OLA1: variants seen among roughly 807,000 people sequenced by gnomAD.
OLA1 encodes the protein obg-like ATPase 1.
Under a neutral mutation model 48.4 loss-of-function variants are expected in OLA1, and 14 were observed. The observed-to-expected ratio is 0.29, with a 90% confidence interval of 0.19 to 0.45. The LOEUF is 0.45. OLA1 is among the 20% of genes least tolerant of loss of function. OLA1 has a pLI of 1.00. For synonymous variants in OLA1, 127 were observed against 150.4 expected (o/e 0.84, Z 1.14); for missense variants, 325 against 467.1 (o/e 0.70, Z 2.80).
Position 174,075,626 on chromosome 2 carries a change from G to T in OLA1, c.1090-99C>A, listed in dbSNP as rs954394032. 1.3e-4 allele frequency: 88 copies of T among 701,994 alleles called. 4 individuals are homozygous for T. The highest frequency in any genetic ancestry group is 2.9e-5 in the Non-Finnish European group (12 of 414,074). The allele number at this position is 701,994 out of a possible 1,614,324, so 43.5% of individuals were successfully genotyped here. A position where few individuals can be genotyped will look rare whatever the true frequency, so the allele number is the denominator to read the frequency against. ...ATATAAAAAGTATTATACTACTTGG[G>T]TGATATAAAAAAAGAAAAAATGAAA... On this transcript the variant is annotated intron_variant, in intron 10 of 10. Transcript: ENST00000284719.
At chr2:174,140,809 T>A (rs1454227082) in intron 5 of OLA1, among the ~76,000 whole-genome samples, 1 of 152,230 alleles carries the variant, frequency 6.6e-6, no homozygotes, top group African/African-American at 2.4e-5. Flanking sequence ...GTAACTGATA[T>A]AAATTGGTTG....
At chr2:174,094,453 G>A (rs1305421968) in intron 7 of OLA1, among the ~76,000 whole-genome samples, 1 of 152,064 alleles carries the variant, frequency 6.6e-6, no homozygotes, top group African/African-American at 2.4e-5. Flanking sequence ...ATATGAAAAT[G>A]CAAGGGCCAA....
At chr2:174,187,670 C>T (rs1049319580) in intron 4 of OLA1, among the ~76,000 whole-genome samples, 16 of 152,200 alleles carry the variant, frequency 1.1e-4, no homozygotes, top group Admixed American at 2.0e-4. Flanking sequence ...TACTTTCCTC[C>T]GATGTGACTT....
chr2:174,130,418 G>A (rs546585714), intron 5 of OLA1, among the ~76,000 whole-genome samples: 1 of 152,320 alleles, frequency 6.6e-6, no homozygotes, highest in East Asian at 1.9e-4. Flanking sequence ...AACCTTGGTA[G>A]AATACATGCT....
At chr2:174,149,372 T>C (rs1425426059) in intron 4 of OLA1, among the ~76,000 whole-genome samples, 1 of 152,200 alleles carries the variant, frequency 6.6e-6, no homozygotes, top group Admixed American at 6.5e-5. Context: ...TATATGTTGA[T>C]GTCTTTCTTA....
chr2:174,198,136 T>C (rs1687919172), intron 4 of OLA1, among the ~76,000 whole-genome samples: 3 of 152,088 alleles, frequency 2.0e-5, no homozygotes. Flanking sequence ...CTAATTTTTA[T>C]ATTTTTAGTA....
chr2:174,234,634 C>T (rs1688805575), intron 2 of OLA1, among the ~76,000 whole-genome samples: 1 of 151,944 alleles, frequency 6.6e-6, no homozygotes. Context: ...TGGCTAATAT[C>T]TGTATTTTTT....
intron 4 of OLA1, among the ~76,000 whole-genome samples, chr2:174,218,444 A>C (rs1688415069): frequency 6.6e-6 from 1 of 152,188 alleles, no homozygotes; most frequent in Non-Finnish European, 1.5e-5. Context: ...TGTTATGTTT[A>C]TTAAGTGTCA....
chr2:174,193,036 T>A (rs887474839), intron 4 of OLA1, among the ~76,000 whole-genome samples: 1 of 152,074 alleles, frequency 6.6e-6, no homozygotes, highest in African/African-American at 2.4e-5. Flanking sequence ...TGGTTTTGTG[T>A]CTCATTAATT....
At chr2:174,214,816 G>A (rs535743693) in intron 4 of OLA1, among the ~76,000 whole-genome samples, 8 of 152,158 alleles carry the variant, frequency 5.3e-5, no homozygotes, top group East Asian at 3.9e-4. Flanking sequence ...TTGGGAGGCC[G>A]AGGTGGGTGG....
chr2:174,170,123 C>T (rs528190944), intron 4 of OLA1, among the ~76,000 whole-genome samples: 2 of 152,208 alleles, frequency 1.3e-5, no homozygotes, highest in East Asian at 3.8e-4. Context: ...GTCCCAGCTA[C>T]TCCAGAGGCT....
chr2:174,231,813 G>T (rs1280058903), intron 2 of OLA1, among the ~76,000 whole-genome samples: 1 of 152,098 alleles, frequency 6.6e-6, no homozygotes, highest in Non-Finnish European at 1.5e-5. Context: ...AATTTCTAAG[G>T]ATCATTACTA....
At chr2:174,134,648 A>AATATAT (rs1686259456) in intron 5 of OLA1, among the ~76,000 whole-genome samples, 1 of 152,238 alleles carries the variant, frequency 6.6e-6, no homozygotes, top group Admixed American at 6.5e-5. Context: ...CTGTAAGAAT[A>AATATAT]ATAAAGGCAC....
chr2:174,106,339 G>A (rs1685513922), intron 7 of OLA1, among the ~76,000 whole-genome samples: 2 of 151,938 alleles, frequency 1.3e-5, no homozygotes, highest in Admixed American at 6.6e-5. Context: ...ATGAAACTAC[G>A]ATCATTGCAA....
chr2:174,106,753 T>C (rs1685521442), intron 7 of OLA1, among the ~76,000 whole-genome samples: 1 of 152,162 alleles, frequency 6.6e-6, no homozygotes, highest in Non-Finnish European at 1.5e-5. Flanking sequence ...GCTATTCTTA[T>C]TTTAGTGTGA....
intron 2 of OLA1, among the ~76,000 whole-genome samples, chr2:174,237,183 C>CT (rs148313777): frequency 0.13 from 20,047 of 151,560 alleles, 1,810 homozygotes; most frequent in Non-Finnish European, 0.2. Context: ...AAAATGTGTG[C>CT]TTTTTTTAAA....
chr2:174,126,568 T>A (rs984224738), intron 5 of OLA1, among the ~76,000 whole-genome samples: 1 of 152,118 alleles, frequency 6.6e-6, no homozygotes, highest in African/African-American at 2.4e-5. Flanking sequence ...ATTCAAGAGG[T>A]AACAGTATAA....
At chr2:174,205,489 T>C (rs1045011626) in intron 4 of OLA1, among the ~76,000 whole-genome samples, 8 of 152,244 alleles carry the variant, frequency 5.3e-5, no homozygotes, top group Non-Finnish European at 8.8e-5. Flanking sequence ...AAGACCTTCA[T>C]AGCTGAACTG....
intron 5 of OLA1, among the ~76,000 whole-genome samples, chr2:174,127,436 T>C (rs1416924089): frequency 6.6e-6 from 1 of 152,238 alleles, no homozygotes; most frequent in Non-Finnish European, 1.5e-5. Flanking sequence ...ACAAAAATAG[T>C]AATTTTTCTT....
Sources: gnomAD v4.1 joint callset for allele counts (sites outside exome capture counted in the v4.1 genomes callset) on GRCh38, gnomAD v4.1.1 for gene constraint, MANE v1.5 for transcripts, NCBI Gene and HGNC (gene_info 2026-07-23, HGNC 2026-07-21) for gene names.